The following CLYBL variants were observed in gnomAD, a reference collection of about 807,000 sequenced individuals.
CLYBL encodes the protein citramalyl-CoA lyase, mitochondrial.
A neutral mutation model predicts 38.9 loss-of-function variants in CLYBL; 31 were observed. The observed-to-expected ratio is 0.80, with a 90% CI of 0.60 to 1.08. The LOEUF (loss-of-function observed/expected upper bound fraction) is 1.08, where lower values mean the gene tolerates loss of function less well. CLYBL is among the 50% of genes least tolerant of loss of function. CLYBL has a pLI of 0.00. For synonymous variants in CLYBL, 171 were observed against 158.6 expected (o/e 1.08, Z -0.59); for missense variants, 434 against 411.6 (o/e 1.05, Z -0.47).
chr13:99,857,799 G>T (rs1026946694), intron 2 of CLYBL, among the ~76,000 whole-genome samples: 1 of 152,114 alleles, frequency 6.6e-6, no homozygotes, highest in African/African-American at 2.4e-5. Context: ...TTTTCAAATG[G>T]TTATATATTA....
intron 7 of CLYBL, chr13:99,877,469 C>T: frequency 3.6e-6 from 1 of 280,450 alleles, no homozygotes; most frequent in Non-Finnish European, 6.8e-6. Flanking sequence ...CACCCCAGGC[C>T]ATCCCTCACC....
intron 1 of CLYBL, among the ~76,000 whole-genome samples, chr13:99,765,293 G>A (rs2049247643): frequency 6.6e-6 from 1 of 152,090 alleles, no homozygotes; most frequent in South Asian, 2.1e-4. Flanking sequence ...ACACATTGGA[G>A]TGCCTTTATA....
intron 1 of CLYBL, among the ~76,000 whole-genome samples, chr13:99,692,277 G>T (rs895714052): frequency 1.6e-4 from 19 of 121,952 alleles, no homozygotes; most frequent in Non-Finnish European, 2.3e-4. Context: ...GTTCACATTT[G>T]TTTTTTTTGT....
intron 7 of CLYBL, among the ~76,000 whole-genome samples, chr13:99,873,173 A>G (rs2051952497): frequency 1.3e-5 from 2 of 152,206 alleles, no homozygotes; most frequent in African/African-American, 4.8e-5. Context: ...GGCTTCCAGT[A>G]GGGACATATG....
Position 99,801,791 on chromosome 13 carries a change from C to T in CLYBL, c.249+28781C>T, listed in dbSNP as rs536838503. Among the ~76,000 whole-genome samples, 79 of 152,092 alleles carry T rather than the reference C, an allele frequency of 5.2e-4. 1 individual carries two copies. In the South Asian group the frequency reaches 8.7e-3, roughly 17 times the overall value. ...CAGGACTTTGGGAGGCCGAGGCAGG[C>T]GGATCACCTGAGGTCAGGAGTTCGA... On this transcript the variant is annotated intron_variant, in intron 2 of 8. Transcript: ENST00000339105.
rs147644523 is a variant in CLYBL at position 99,777,322 on chromosome 13, A to G, written c.249+4312A>G. Among the ~76,000 whole-genome samples the G allele has an allele frequency of 5.8e-3, 878 of 152,266 alleles. 1 individual carries two copies. The highest frequency in any genetic ancestry group is 0.034 in the Middle Eastern group (10 of 294). On this transcript the variant is annotated intron_variant, in intron 2 of 8. Transcript: ENST00000339105. ...AGATATGTTCCCAATCTACTTGTCC[A>G]AAAATACCTTCTCCCTCAATACCTC... is the stretch of plus-strand genomic sequence containing the variant.
chr13:99,751,873 G>A (rs991555843), intron 1 of CLYBL, among the ~76,000 whole-genome samples: 2 of 152,216 alleles, frequency 1.3e-5, no homozygotes, highest in East Asian at 1.9e-4. Flanking sequence ...ATGGTGGGGA[G>A]TATAAAATGA....
At position 99,774,509 on chromosome 13, in the gene CLYBL, C is replaced by T. The variant is rs185057961; in HGVS notation, c.249+1499C>T. ...CAATGAGGTTGGGCTGGGAATGGGT[C>T]GTGGGGCGGGGGATGAGGGAGCTGG... is the stretch of plus-strand genomic sequence containing the variant. On this transcript the variant is annotated intron_variant, in intron 2 of 8. Transcript: ENST00000339105. Among the ~76,000 whole-genome samples the T allele has an allele frequency of 6.6e-5, 10 of 152,170 alleles. No homozygotes were observed. The East Asian group carries it at 1.2e-3, about 18-fold the overall frequency.
intron 2 of CLYBL, among the ~76,000 whole-genome samples, chr13:99,786,355 C>T (rs2049794708): frequency 6.6e-6 from 1 of 152,052 alleles, no homozygotes; most frequent in Non-Finnish European, 1.5e-5. Context: ...TTCCCTTCCC[C>T]CTCCCCCAAC....
chr13:99,882,136 T>C (rs1194321882), intron 7 of CLYBL, among the ~76,000 whole-genome samples: 1 of 152,158 alleles, frequency 6.6e-6, no homozygotes, highest in Non-Finnish European at 1.5e-5. Context: ...AAAATAAATA[T>C]GTAGCTGTAT....
intron 2 of CLYBL, among the ~76,000 whole-genome samples, chr13:99,846,992 A>C (rs1425497831): frequency 6.6e-6 from 1 of 152,084 alleles, no homozygotes; most frequent in Non-Finnish European, 1.5e-5. Flanking sequence ...TTTTTAACAA[A>C]TTGGTTTTTG....
At chr13:99,823,238 A>G (rs1194720581) in intron 2 of CLYBL, among the ~76,000 whole-genome samples, 1 of 152,136 alleles carries the variant, frequency 6.6e-6, no homozygotes, top group African/African-American at 2.4e-5. Context: ...TAATTTCTTT[A>G]AAAAATAGAG....
chr13:99,759,316 C>G (rs566348598), intron 1 of CLYBL, among the ~76,000 whole-genome samples: 2 of 152,272 alleles, frequency 1.3e-5, no homozygotes, highest in Middle Eastern at 3.4e-3. Flanking sequence ...AGGGGATAAA[C>G]AGAGGAGCAG....
intron 1 of CLYBL, among the ~76,000 whole-genome samples, chr13:99,638,533 C>G (rs547226788): frequency 6.6e-6 from 1 of 152,274 alleles, no homozygotes; most frequent in East Asian, 1.9e-4. Context: ...TCGCAGTGAT[C>G]AGAACAGTAT....
intron 1 of CLYBL, among the ~76,000 whole-genome samples, chr13:99,737,770 A>G (rs1034658014): frequency 1.3e-5 from 2 of 152,224 alleles, no homozygotes; most frequent in Non-Finnish European, 2.9e-5. Flanking sequence ...AGTCATCCCA[A>G]CAGAGATGTG....
intron 1 of CLYBL, among the ~76,000 whole-genome samples, chr13:99,752,663 A>G (rs928380283): frequency 6.6e-6 from 1 of 151,928 alleles, no homozygotes; most frequent in Non-Finnish European, 1.5e-5. Context: ...CCCTCCTGCC[A>G]TCCTGGGCAC....
intron 4 of CLYBL, 45 bp from the exon 5 acceptor site, chr13:99,864,773 C>T (rs372957844): frequency 2.2e-5 from 29 of 1,323,330 alleles, no homozygotes; most frequent in African/African-American, 4.4e-5. Flanking sequence ...TTCCCTCTGA[C>T]GCACGCGTTT....
intron 1 of CLYBL, among the ~76,000 whole-genome samples, chr13:99,724,129 C>T (rs937013670): frequency 6.6e-6 from 1 of 152,028 alleles, no homozygotes; most frequent in Admixed American, 6.6e-5. Flanking sequence ...ACAGTTGTGC[C>T]CTGTTGTGGG....
At chr13:99,879,027 C>T (rs2139290695) in intron 7 of CLYBL, among the ~76,000 whole-genome samples, 1 of 152,280 alleles carries the variant, frequency 6.6e-6, no homozygotes, top group South Asian at 2.1e-4. Context: ...GGGATGGTCA[C>T]ATATGCAGAT....
Sources: gnomAD v4.1 joint callset for allele counts (sites outside exome capture counted in the v4.1 genomes callset) on GRCh38, gnomAD v4.1.1 for gene constraint, MANE v1.5 for transcripts, NCBI Gene and HGNC (gene_info 2026-07-23, HGNC 2026-07-21) for gene names.